Variants in MAP3K15 observed in about 807,000 individuals in gnomAD.
MAP3K15 encodes mitogen-activated protein kinase kinase kinase 15.
Under a neutral mutation model 99.5 loss-of-function variants are expected in MAP3K15, and 124 were observed. The observed-to-expected ratio is 1.25, with a 90% CI of 1.08 to 1.45. The LOEUF (loss-of-function observed/expected upper bound fraction) is 1.45, where lower values mean the gene tolerates loss of function less well. MAP3K15 is among the 40% of genes most tolerant of loss of function. The pLI is 0.00. For missense variants in MAP3K15, 1,242 were observed against 1,079.7 expected (o/e 1.15, Z -2.11); for synonymous variants, 494 against 439.6 (o/e 1.12, Z -1.55).
intron 19 of MAP3K15, among the ~76,000 whole-genome samples, chrX:19,376,157 C>G (rs1413372386): frequency 9.0e-6 from 1 of 111,489 alleles, no homozygotes; most frequent in African/African-American, 3.3e-5. Context: ...TATTGGTCTC[C>G]TAGGGCCACT....
At chrX:19,368,235 C>T (rs1220148849) in intron 25 of MAP3K15, among the ~76,000 whole-genome samples, 1 of 111,951 alleles carries the variant, frequency 8.9e-6, no homozygotes, top group East Asian at 2.8e-4. Context: ...CCCCACCTCC[C>T]GGATTCAATC....
chrX:19,460,763 T>G (rs184908989), intron 4 of MAP3K15, among the ~76,000 whole-genome samples: 3 of 106,741 alleles, frequency 2.8e-5, no homozygotes, highest in African/African-American at 3.4e-5. Context: ...GTTTTTTTGT[T>G]TTTTTTTTTT....
chrX:19,369,037 G>A lies in MAP3K15; in HGVS notation c.3566+17C>T, dbSNP rs758522137. Reference sequence around the variant, plus strand: ...TCCCAGCGCCTGCTCCCAGAGGAGGGCCCAGAAGCTCCTCACCTGTTGGTC... The same window carrying A: ...TCCCAGCGCCTGCTCCCAGAGGAGGACCCAGAAGCTCCTCACCTGTTGGTC... On this transcript the variant is annotated intron_variant, in intron 25 of 28. Coordinates refer to ENST00000338883, the MANE Select transcript of MAP3K15 (RefSeq NM_001001671.4). 4 of 1,171,515 alleles carry A rather than the reference G, an allele frequency of 3.4e-6. No individual in the cohort carries two copies. The African/African-American group carries it at 5.4e-5, about 16-fold the overall frequency.
intron 20 of MAP3K15, among the ~76,000 whole-genome samples, chrX:19,374,158 G>C (rs1170610634): frequency 9.0e-6 from 1 of 111,061 alleles, no homozygotes; most frequent in African/African-American, 3.3e-5. Context: ...ACATGGTGAA[G>C]ACGCAGAACC....
chrX:19,433,866 G>A (rs2063902648), intron 6 of MAP3K15, among the ~76,000 whole-genome samples: 1 of 111,500 alleles, frequency 9.0e-6, no homozygotes, highest in South Asian at 3.7e-4. Flanking sequence ...TAATAGTAAT[G>A]AACTGGAGAT....
intron 6 of MAP3K15, among the ~76,000 whole-genome samples, chrX:19,448,562 C>T (rs1392417442): frequency 9.3e-6 from 1 of 107,597 alleles, no homozygotes; most frequent in Admixed American, 9.8e-5. Flanking sequence ...AAGGTCCCCC[C>T]CTGTCCCCGA....
At chrX:19,393,760 CTTTTTTTTTTTTTTTTTT>C (rs761246318) in intron 16 of MAP3K15, among the ~76,000 whole-genome samples, 1 of 60,243 alleles carries the variant, frequency 1.7e-5, no homozygotes, top group Non-Finnish European at 2.9e-5. Context: ...CTGCCTGGCT[CTTTTTTTTTTTTTTTTTT>C]TTTTTTTTTT....
At position 19,362,718 on chromosome X, in the gene MAP3K15, C is replaced by T. The variant is rs766371223; in HGVS notation, c.3679+20G>A. 1 of 935,405 alleles carries T rather than the reference C, an allele frequency of 1.1e-6. No homozygotes were observed. Among genetic ancestry groups the T allele is most frequent in the African/African-American group, 1.9e-5 (1 of 52,133 alleles). 77.1% of individuals were successfully genotyped at this position (935,405 alleles called of 1,213,427 possible). A position where few individuals can be genotyped will look rare whatever the true frequency, so the allele number is the denominator to read the frequency against. On this transcript the variant is annotated intron_variant, in intron 26 of 28. Coordinates refer to ENST00000338883, the MANE Select transcript of MAP3K15 (RefSeq NM_001001671.4). Reference sequence around the variant, plus strand: ...ATATTAGCTAGATGTTAAAGTCTGTCTCATTGGAAAATGACTTACAATTCG... The same window carrying T: ...ATATTAGCTAGATGTTAAAGTCTGTTTCATTGGAAAATGACTTACAATTCG...
intron 1 of MAP3K15, among the ~76,000 whole-genome samples, chrX:19,491,766 C>T (rs945078084): frequency 1.1e-4 from 12 of 110,218 alleles, no homozygotes; most frequent in African/African-American, 4.0e-4. Context: ...TCACTGCAAC[C>T]TCCACCTCCC....
rs145329587 is a variant in MAP3K15, at chrX:19,407,270, C to G, written c.1762G>C (p.Asp588His). ...ACATAAAGAAAACAACACCTTTCAT[C>G]AAACTTTGATAGGCTGTAAAATTTC... The part of the protein sequence containing the change: ...SIKGISLSKF[D>H]ERCCFLYVHD... The change falls in exon 13 of 29, where the codon GAT becomes CAT. Residue 588 changes from aspartate (D) to histidine (H), a missense_variant. Physicochemically the swap from Asp to His is moderately conservative, Grantham distance 81 (BLOSUM62 -1). Coordinates refer to ENST00000338883, the MANE Select transcript of MAP3K15 (RefSeq NM_001001671.4). The G allele has an allele frequency of 2.0e-5, 24 of 1,175,764 alleles. No individual in the cohort carries two copies. The African/African-American group carries it at 3.4e-4, about 17-fold the overall frequency.
intron 6 of MAP3K15, among the ~76,000 whole-genome samples, chrX:19,436,938 C>G (rs1394068292): frequency 1.8e-5 from 2 of 111,625 alleles, no homozygotes; most frequent in Admixed American, 1.9e-4. Context: ...TTGGCCTCCT[C>G]AAGTGCTGGG....
intron 9 of MAP3K15, among the ~76,000 whole-genome samples, chrX:19,424,510 T>C (rs1333063483): frequency 1.8e-5 from 2 of 110,648 alleles, no homozygotes; most frequent in East Asian, 5.6e-4. Flanking sequence ...TATAGAACAG[T>C]GGTTCTCAAA....
At chrX:19,449,425 T>C (rs2064022466) in intron 6 of MAP3K15, among the ~76,000 whole-genome samples, 1 of 109,849 alleles carries the variant, frequency 9.1e-6, no homozygotes, top group Non-Finnish European at 1.9e-5. Flanking sequence ...ATACCTCAAA[T>C]GCCTCCCTGT....
At chrX:19,380,599 C>T (rs898704232) in intron 18 of MAP3K15, among the ~76,000 whole-genome samples, 1 of 111,245 alleles carries the variant, frequency 9.0e-6, no homozygotes, top group Admixed American at 9.5e-5. Flanking sequence ...GATCTCGGCT[C>T]ACCGCGAACT....
At chrX:19,447,272 T>C (rs1215999865) in intron 6 of MAP3K15, among the ~76,000 whole-genome samples, 1 of 111,626 alleles carries the variant, frequency 9.0e-6, no homozygotes, top group African/African-American at 3.3e-5. Flanking sequence ...GATACCCAGC[T>C]AGTTAGGAGG....
chrX:19,395,964 G>C (rs759308762), intron 15 of MAP3K15, among the ~76,000 whole-genome samples: 37 of 111,713 alleles, frequency 3.3e-4, no homozygotes, highest in Non-Finnish European at 5.6e-4. Flanking sequence ...ATCAGCATAG[G>C]CCTCCTTTTC....
intron 18 of MAP3K15, among the ~76,000 whole-genome samples, chrX:19,387,576 G>A (rs1444547139): frequency 1.0e-4 from 11 of 108,937 alleles, no homozygotes; most frequent in Admixed American, 6.0e-4. Context: ...TGGTAAAGAC[G>A]GGGCCTCACT....
chrX:19,489,691 T>A (rs1046425660), intron 1 of MAP3K15, among the ~76,000 whole-genome samples: 24 of 110,809 alleles, frequency 2.2e-4, no homozygotes, highest in African/African-American at 7.9e-4. Flanking sequence ...CACCAGACAA[T>A]GAGTCTGCCG....
intron 26 of MAP3K15, 116 bp downstream of exon 26, chrX:19,362,622 G>A: frequency 2.1e-6 from 1 of 474,827 alleles, no homozygotes; most frequent in Non-Finnish European, 3.7e-6. Flanking sequence ...TGATTGAGAA[G>A]TAGTCTAGAA....
Sources: allele counts gnomAD v4.1 joint callset (sites outside exome capture counted in the v4.1 genomes callset), GRCh38; gene constraint gnomAD v4.1.1; transcripts MANE v1.5; gene names NCBI Gene and HGNC (gene_info 2026-07-23, HGNC 2026-07-21).